EME2: variants seen among roughly 807,000 people sequenced by gnomAD.
The protein encoded by EME2 is essential meiotic structure-specific endonuclease subunit 2.
In EME2, 58 loss-of-function variants were observed where a neutral mutation model predicts 41.9. The ratio of observed to expected loss-of-function variants is 1.38; its 90% CI spans 1.12 to 1.72. EME2 has a LOEUF of 1.72. Ranked by LOEUF, EME2 falls within the 40% of genes most tolerant of loss-of-function variation. The pLI, the probability that EME2 is intolerant of heterozygous loss-of-function variation, is 0.00. For missense variants in EME2, 695 were observed against 541.9 expected (o/e 1.28, Z -2.81); for synonymous variants, 334 against 239.3 (o/e 1.40, Z -3.65).
At position 1,781,513 on chromosome 16, in the gene EME2, C is replaced by T. The variant is rs1297156802; in HGVS notation, c.*5275C>T. ...GAAAGAATCTAGAAGAAAACACAGG[C>T]TCTGGGCAAAGGAAGACTCACAGCA... is the stretch of plus-strand genomic sequence containing the variant. On this transcript the variant is annotated 3_prime_UTR_variant, in exon 8 of 8. Coordinates refer to ENST00000568449, the MANE Select transcript of EME2 (RefSeq NM_001257370.2). 2.5e-6 allele frequency: 4 copies of T among 1,607,442 alleles called. No individual in the cohort carries two copies. Among genetic ancestry groups the T allele is most frequent in the East Asian group, 4.5e-5 (2 of 44,812 alleles).
rs2042711960 is a variant in EME2 at position 1,776,281 on chromosome 16, G to C, written c.*43G>C. ...AGGACAGCATGCAGCCTTGGGGACA[G>C]ACCAGACACCCTGGGCGGTGGGGGA... On this transcript the variant is annotated 3_prime_UTR_variant, in exon 8 of 8. Coordinates refer to ENST00000568449, the MANE Select transcript of EME2 (RefSeq NM_001257370.2). 6.3e-7 allele frequency: 1 copy of C among 1,597,026 alleles called. No homozygotes were observed. The highest frequency in any genetic ancestry group is 8.6e-7 in the Non-Finnish European group (1 of 1,169,326).
At chr16:1,775,183 G>C in intron 4 of EME2, 51 bp downstream of exon 4, 1 of 1,597,874 alleles carries the variant, frequency 6.3e-7, no homozygotes, top group African/African-American at 1.3e-5. Flanking sequence ...CGGGGGTTCA[G>C]GGGAGGTGGG....
At chr16:1,774,876 G>A in intron 3 of EME2, 165 bp from the exon 4 acceptor site, 4 of 678,872 alleles carry the variant, frequency 5.9e-6, no homozygotes, top group South Asian at 1.7e-5. Context: ...CTCGTGGGAG[G>A]CACAGAGCTG....
At position 1,775,059 on chromosome 16, in the gene EME2, T is replaced by C. The variant is rs757562944; in HGVS notation, c.496T>C (p.Trp166Arg). ...TCTTCAGATCTCTGGCCCAACCCAC[T>C]GGGTGCCCTGGATCTCCCCCGAGAC... ...TLTQISGPTH[W>R]VPWISPETTA... Residue 166 changes from tryptophan (W) to arginine (R), a missense_variant, in exon 4 of 8, where the codon TGG (tryptophan) becomes CGG (arginine). Physicochemically the swap from Trp to Arg is moderately radical, Grantham distance 101 (BLOSUM62 -3). Transcript: ENST00000568449. 1 of 1,610,100 alleles carries C rather than the reference T, an allele frequency of 6.2e-7. No individual in the cohort carries two copies. The highest frequency in any genetic ancestry group is 1.1e-5 in the South Asian group (1 of 91,072).
In EME2 at chr16:1,777,553, GAGGCA is replaced by G; in HGVS notation, c.*1321_*1325del. ...ACCCGGGTGGGCAGCTGGCACAGCTGAGGCAAGGCAGGGTGCACGCGCTGGCCCTG... is the reference window on the plus strand; with the variant it reads ...ACCCGGGTGGGCAGCTGGCACAGCTGAGGCAGGGTGCACGCGCTGGCCCTG... On this transcript the variant is annotated 3_prime_UTR_variant, in exon 8 of 8. Coordinates refer to ENST00000568449, the MANE Select transcript of EME2 (RefSeq NM_001257370.2). 2 of 1,363,652 alleles carry G rather than the reference GAGGCA, an allele frequency of 1.5e-6. No individual in the cohort carries two copies. The highest frequency in any genetic ancestry group is 1.9e-6 in the Non-Finnish European group (2 of 1,028,190). The allele number at this position is 1,363,652 out of a possible 1,614,324, so 84.5% of individuals were successfully genotyped here. A position where few individuals can be genotyped will look rare whatever the true frequency, so the allele number is the denominator to read the frequency against.
chr16:1,774,147 AG>A (rs2042674515), intron 2 of EME2, 112 bp from the exon 3 acceptor site: 3 of 956,340 alleles, frequency 3.1e-6, no homozygotes, highest in Admixed American at 1.9e-5. Flanking sequence ...CAGGCCTGTC[AG>A]GGCCTGGGCT....
In EME2 at chr16:1,778,113, C is replaced by T. The variant is rs772897374; in HGVS notation, c.*1875C>T. 8.7e-6 allele frequency: 14 copies of T among 1,612,752 alleles called. No homozygotes were observed. The Admixed American group carries it at 1.0e-4, about 12-fold the overall frequency. On this transcript the variant is annotated 3_prime_UTR_variant, in exon 8 of 8. Transcript: ENST00000568449. Reference sequence around the variant, plus strand: ...GCCGGAGCCAGGTTCCCCAGAAGCACCCTGGGCCGAAGCAACTTACCATGT... The same window carrying T: ...GCCGGAGCCAGGTTCCCCAGAAGCATCCTGGGCCGAAGCAACTTACCATGT...
In EME2 at chr16:1,776,210, C is replaced by G. The variant is rs1254189181; in HGVS notation, c.1112C>G (p.Pro371Arg). ...RICLFLTTAN[P>R]DLLLDLGS ...TGCCTCTTCCTGACCACAGCCAACC[C>G]TGATCTCCTGCTGGACCTGGGCTCC... The change falls in exon 8 of 8, where the codon CCT becomes CGT. Residue 371 changes from proline (P) to arginine (R), a missense_variant. Pro to Arg is a moderately radical substitution (Grantham distance 103, BLOSUM62 -2). Coordinates refer to ENST00000568449, the MANE Select transcript of EME2 (RefSeq NM_001257370.2). The G allele has an allele frequency of 6.2e-7, 1 of 1,612,622 alleles. No homozygotes were observed. The highest frequency in any genetic ancestry group is 8.5e-7 in the Non-Finnish European group (1 of 1,179,970).
rs1567230546 is a variant in EME2, at chr16:1,778,650, GCT to G, written c.*2417_*2418del. On this transcript the variant is annotated 3_prime_UTR_variant, in exon 8 of 8. Coordinates refer to ENST00000568449, the MANE Select transcript of EME2 (RefSeq NM_001257370.2). ...GGCCGGCTGTTACTACCTGTTGCCCGCTCTCTACCCTCTCACCCTTGCCCTCT... is the reference window on the plus strand; with the variant it reads ...GGCCGGCTGTTACTACCTGTTGCCCGCTCTACCCTCTCACCCTTGCCCTCT... 2.0e-6 allele frequency: 3 copies of G among 1,519,090 alleles called. No homozygotes were observed. Among genetic ancestry groups the G allele is most frequent in the Admixed American group, 3.9e-5 (2 of 51,586 alleles). The allele number at this position is 1,519,090 out of a possible 1,614,324, so 94.1% of individuals were successfully genotyped here.
In EME2 at chr16:1,777,847, C is replaced by T. The variant is rs1222335660; in HGVS notation, c.*1609C>T. The T allele has an allele frequency of 1.2e-6, 2 of 1,612,596 alleles. No homozygotes were observed. Among genetic ancestry groups the T allele is most frequent in the Non-Finnish European group, 1.7e-6 (2 of 1,179,852 alleles). On this transcript the variant is annotated 3_prime_UTR_variant, in exon 8 of 8. Transcript: ENST00000568449. ...GGCCGAACCGCGATGAGAAGCTGGT[C>T]TTGTCGCCCTTGTGGTGGAGGAGGC...
chr16:1,773,569 GGGGCCTGGGGCC>G (rs2042663818), intron 1 of EME2, 95 bp downstream of exon 1: 1 of 1,510,724 alleles, frequency 6.6e-7, no homozygotes, highest in Admixed American at 2.2e-5. Flanking sequence ...CGCGTGCCGA[GGGGCCTGGGGCC>G]GGGCCCGCCT....
chr16:1,773,317 C>A lies in EME2; in HGVS notation c.90C>A (p.Thr30=). The A allele has an allele frequency of 6.6e-7, 1 of 1,506,862 alleles. No homozygotes were observed. The highest frequency in any genetic ancestry group is 8.8e-7 in the Non-Finnish European group (1 of 1,136,920). The allele number at this position is 1,506,862 out of a possible 1,614,324, so 93.3% of individuals were successfully genotyped here. Residue 30 remains threonine (T), a synonymous_variant, in exon 1 of 8, where the codon ACC becomes ACA. Transcript: ENST00000568449. The part of the protein sequence containing the change: ...RGGSGQRRPP[T]WEISDSDAED... ...GGAGCGGTCAGCGGCGACCTCCAAC[C>A]TGGGAGATCTCAGACTCCGACGCTG...
chr16:1,777,574 G>C lies in EME2; in HGVS notation c.*1336G>C, dbSNP rs1032923536. On this transcript the variant is annotated 3_prime_UTR_variant, in exon 8 of 8. Coordinates refer to ENST00000568449, the MANE Select transcript of EME2 (RefSeq NM_001257370.2). The stretch of plus-strand genomic sequence containing the variant: ...AGCTGAGGCAAGGCAGGGTGCACGC[G>C]CTGGCCCTGCCACTCCAGCCTGGCC... 11 of 1,346,552 alleles carry C rather than the reference G, an allele frequency of 8.2e-6. No homozygotes were observed. Among genetic ancestry groups the C allele is most frequent in the African/African-American group, 1.5e-5 (1 of 68,298 alleles). 83.4% of individuals were successfully genotyped at this position (1,346,552 alleles called of 1,614,324 possible).
In EME2 at chr16:1,774,253, C is replaced by T. The variant is rs375945580; in HGVS notation, c.385-7C>T. ...ACAGGCAGCAGCGCGTCCCCATGTC[C>T]CCACAGCTGCCTCCTGAAGTGTGGG... On this transcript the variant is annotated splice_region_variant and splice_polypyrimidine_tract_variant and intron_variant, in intron 2 of 7. Transcript: ENST00000568449. 131 of 1,612,098 alleles carry T rather than the reference C, an allele frequency of 8.1e-5. 1 individual carries two copies. Among genetic ancestry groups the T allele is most frequent in the Non-Finnish European group, 1.0e-4 (121 of 1,179,530 alleles).
chr16:1,778,368 C>T lies in EME2; in HGVS notation c.*2130C>T. On this transcript the variant is annotated 3_prime_UTR_variant, in exon 8 of 8. Transcript: ENST00000568449. ...GGGCAGCCCTGAGAGCTCCATGGGG[C>T]TCTGCCCTGCCCACCCCCAGGCCCG... The T allele has an allele frequency of 6.2e-7, 1 of 1,609,658 alleles. No individual in the cohort carries two copies. The highest frequency in any genetic ancestry group is 8.5e-7 in the Non-Finnish European group (1 of 1,179,074).
In EME2 at chr16:1,781,524, G is replaced by A; in HGVS notation, c.*5286G>A. ...GAAGAAAACACAGGCTCTGGGCAAA[G>A]GAAGACTCACAGCACTCCCAGCCCT... is the stretch of plus-strand genomic sequence containing the variant. On this transcript the variant is annotated 3_prime_UTR_variant, in exon 8 of 8. Coordinates refer to ENST00000568449, the MANE Select transcript of EME2 (RefSeq NM_001257370.2). The A allele has an allele frequency of 6.9e-6, 11 of 1,602,586 alleles. No homozygotes were observed. Among genetic ancestry groups the A allele is most frequent in the Non-Finnish European group, 9.4e-6 (11 of 1,174,376 alleles).
chr16:1,779,612 C>T lies in EME2; in HGVS notation c.*3374C>T, dbSNP rs1345190308. 6.6e-6 allele frequency: 1 copy of T among 152,294 alleles called. No homozygotes were observed. Among genetic ancestry groups the T allele is most frequent in the African/African-American group, 2.4e-5 (1 of 41,452 alleles). 9.4% of individuals were successfully genotyped at this position (152,294 alleles called of 1,614,324 possible). A position where few individuals can be genotyped will look rare whatever the true frequency, so the allele number is the denominator to read the frequency against. The stretch of plus-strand genomic sequence containing the variant: ...CCCCACTGCCTAGAAGTGCGGGTCC[C>T]CAGAGCCAGGGTAGACCCCCTGAGT... On this transcript the variant is annotated 3_prime_UTR_variant, in exon 8 of 8. Transcript: ENST00000568449.
chr16:1,774,857 C>T (rs924734390), intron 3 of EME2, 184 bp from the exon 4 acceptor site: 11 of 662,638 alleles, frequency 1.7e-5, no homozygotes, highest in Middle Eastern at 4.3e-4. Flanking sequence ...TCTCCTTAGC[C>T]TCTTTGGCCT....
At position 1,775,123 on chromosome 16, in the gene EME2, C is replaced by T; in HGVS notation, c.560C>T (p.Ala187Val). 1.9e-6 allele frequency: 3 copies of T among 1,612,036 alleles called. No homozygotes were observed. Among genetic ancestry groups the T allele is most frequent in the Non-Finnish European group, 2.5e-6 (3 of 1,179,916 alleles). ...RPHLAVIGLD[A>V]YLWSRQHVSR... ...CACCTGGCTGTCATCGGGCTGGATG[C>T]CTACCTGTGGTACCGCTCACTCTCA... Residue 187 changes from alanine (A) to valine (V), a missense_variant, in exon 4 of 8, where the codon GCC becomes GTC. Coordinates refer to ENST00000568449, the MANE Select transcript of EME2 (RefSeq NM_001257370.2).
Sources: allele counts gnomAD v4.1 joint callset, GRCh38; gene constraint gnomAD v4.1.1; transcripts MANE v1.5; gene names NCBI Gene and HGNC (gene_info 2026-07-23, HGNC 2026-07-21).